COL4A4: variants seen among roughly 807,000 people sequenced by gnomAD.
The protein encoded by COL4A4 is collagen type IV alpha 4 chain.
COL4A4 carries 105 observed loss-of-function variants against 192.9 expected under a neutral mutation model. The observed-to-expected ratio is 0.54, with a 90% CI of 0.46 to 0.64. COL4A4 has a LOEUF of 0.64. Ranked by LOEUF, COL4A4 falls within the 30% of genes least tolerant of loss-of-function variation. COL4A4 has a pLI of 0.00. For synonymous variants in COL4A4, 762 were observed against 769.9 expected (o/e 0.99, Z 0.17); for missense variants, 1,967 against 2,169.3 (o/e 0.91, Z 1.85).
At chr2:227,034,768 CATGTGTTCTCATTGTTCAATTCCCACCT>C (rs1321395250) in intron 37 of COL4A4, among the ~76,000 whole-genome samples, 1 of 138,748 alleles carries the variant, frequency 7.2e-6, no homozygotes, top group Non-Finnish European at 1.5e-5. Flanking sequence ...TTCCTGTGTC[CATGTGTTCTCATTGTTCAATTCCCACCT>C]ATGAGTGAGA....
At chr2:227,125,894 T>C (rs570633498) in intron 4 of COL4A4, among the ~76,000 whole-genome samples, 1 of 152,264 alleles carries the variant, frequency 6.6e-6, no homozygotes, top group South Asian at 2.1e-4. Flanking sequence ...CCTCTGCTCC[T>C]GGAGGGGAAG....
At chr2:227,154,423 G>A (rs1363578079) in intron 1 of COL4A4, among the ~76,000 whole-genome samples, 1 of 152,184 alleles carries the variant, frequency 6.6e-6, no homozygotes, top group Non-Finnish European at 1.5e-5. Context: ...AAGATTGGGG[G>A]ACCAGATAAA....
At position 227,114,732 on chromosome 2, in the gene COL4A4, T is replaced by C. The variant is rs370812512; in HGVS notation, c.490-36A>G. ...AATATGTATGTACTTAACAGGAAAA[T>C]AGCATATTACCATTTCAGTATTTTC... On this transcript the variant is annotated intron_variant, in intron 7 of 47. Coordinates refer to ENST00000396625, the MANE Select transcript of COL4A4 (RefSeq NM_000092.5). 3.2e-4 allele frequency: 475 copies of C among 1,469,240 alleles called. 2 individuals are homozygous for C. The highest frequency in any genetic ancestry group is 1.2e-3 in the Middle Eastern group (7 of 5,800). 91.0% of individuals were successfully genotyped at this position (1,469,240 alleles called of 1,614,324 possible). A position where few individuals can be genotyped will look rare whatever the true frequency, so the allele number is the denominator to read the frequency against.
chr2:227,026,106 A>C (rs1382377867), intron 42 of COL4A4, among the ~76,000 whole-genome samples: 1 of 152,132 alleles, frequency 6.6e-6, no homozygotes, highest in Admixed American at 6.5e-5. Context: ...ATATCCTCTA[A>C]TTTAATGCAT....
Position 227,027,750 on chromosome 2 carries a change from G to T in COL4A4, c.4081+152C>A, listed in dbSNP as rs1967266319. 2.6e-5 allele frequency: 16 copies of T among 610,580 alleles called. No individual in the cohort carries two copies. The East Asian group carries it at 4.1e-4, about 16-fold the overall frequency. 37.8% of individuals were successfully genotyped at this position (610,580 alleles called of 1,614,324 possible). On this transcript the variant is annotated intron_variant, in intron 42 of 47. Coordinates refer to ENST00000396625, the MANE Select transcript of COL4A4 (RefSeq NM_000092.5). Reference sequence around the variant, plus strand: ...ATTACTTTACCAAACATGAGACTTTGTAGTGCGGCCTGAAAGAAATATACT... The same window carrying T: ...ATTACTTTACCAAACATGAGACTTTTTAGTGCGGCCTGAAAGAAATATACT...
At chr2:227,115,455 G>A (rs1250759488) in intron 7 of COL4A4, among the ~76,000 whole-genome samples, 1 of 151,662 alleles carries the variant, frequency 6.6e-6, no homozygotes, top group Non-Finnish European at 1.5e-5. Context: ...GTATTTTTTA[G>A]TAGAGACGGG....
At chr2:227,059,244 A>G (rs1431893314) in intron 28 of COL4A4, among the ~76,000 whole-genome samples, 161 bp downstream of exon 28, 1 of 152,254 alleles carries the variant, frequency 6.6e-6, no homozygotes, top group African/African-American at 2.4e-5. Context: ...CTAGAGATTC[A>G]GGTTATTTGA....
At chr2:227,013,617 T>C (rs1964277795) in intron 44 of COL4A4, among the ~76,000 whole-genome samples, 1 of 152,180 alleles carries the variant, frequency 6.6e-6, no homozygotes, top group South Asian at 2.1e-4. Flanking sequence ...ACCAGCCCTG[T>C]TGTGGCTCCT....
the COL4A4 span, among the ~76,000 whole-genome samples, chr2:226,993,203 T>C: frequency 6.6e-6 from 1 of 152,244 alleles, no homozygotes; most frequent in Non-Finnish European, 1.5e-5. Flanking sequence ...TGCGGGCTTT[T>C]TCTTTTGAAG....
intron 1 of COL4A4, among the ~76,000 whole-genome samples, chr2:227,148,977 T>G (rs2063738776): frequency 6.6e-6 from 1 of 151,854 alleles, no homozygotes; most frequent in African/African-American, 2.4e-5. Context: ...GAGTAGTTAG[T>G]GTGCCACCAC....
At position 227,033,490 on chromosome 2, in the gene COL4A4, C is replaced by T. The variant is rs2149993737; in HGVS notation, c.3506-9G>A. 2 of 1,611,840 alleles carry T rather than the reference C, an allele frequency of 1.2e-6. No homozygotes were observed. The highest frequency in any genetic ancestry group is 2.2e-5 in the East Asian group (1 of 44,882). ...AGGTGATCCGGAGGGACCTGAAAAA[C>T]ACCACAGGCCTGTGACCCAAAGGAA... is the stretch of plus-strand genomic sequence containing the variant. On this transcript the variant is annotated splice_polypyrimidine_tract_variant and intron_variant, in intron 37 of 47. Coordinates refer to ENST00000396625, the MANE Select transcript of COL4A4 (RefSeq NM_000092.5).
intron 31 of COL4A4, among the ~76,000 whole-genome samples, chr2:227,053,492 A>G (rs1974576978): frequency 6.7e-6 from 1 of 149,914 alleles, no homozygotes; most frequent in Admixed American, 6.6e-5. Flanking sequence ...TATTTAAACC[A>G]TTGGTCTCAA....
At chr2:226,991,405 C>G in the COL4A4 span, among the ~76,000 whole-genome samples, 1 of 152,206 alleles carries the variant, frequency 6.6e-6, no homozygotes, top group Non-Finnish European at 1.5e-5. Flanking sequence ...TGGTCTCAAT[C>G]TCCTGACCTC....
intron 20 of COL4A4, among the ~76,000 whole-genome samples, chr2:227,092,118 C>T (rs1334839042): frequency 1.3e-5 from 2 of 151,700 alleles, no homozygotes; most frequent in Non-Finnish European, 2.9e-5. Context: ...ATTTCAAAAC[C>T]AAAAAATAAA....
intron 12 of COL4A4, among the ~76,000 whole-genome samples, chr2:227,106,229 A>G (rs1353432669): frequency 6.6e-6 from 1 of 152,172 alleles, no homozygotes; most frequent in Non-Finnish European, 1.5e-5. Flanking sequence ...GCACATTAAC[A>G]AAACATGAGT....
intron 25 of COL4A4, among the ~76,000 whole-genome samples, chr2:227,064,533 G>T (rs2058175799): frequency 6.6e-6 from 1 of 152,202 alleles, no homozygotes; most frequent in Non-Finnish European, 1.5e-5. Flanking sequence ...GAAGCTTAAA[G>T]AACTCCTGGG....
At chr2:227,065,227 G>A (rs189074148) in intron 25 of COL4A4, among the ~76,000 whole-genome samples, 133 of 152,324 alleles carry the variant, frequency 8.7e-4, no homozygotes, top group African/African-American at 5.8e-4. Flanking sequence ...CACCTGGCTC[G>A]GAGGGTCCTA....
the COL4A4 span, among the ~76,000 whole-genome samples, chr2:226,970,592 C>T: frequency 6.6e-6 from 1 of 152,178 alleles, no homozygotes; most frequent in Non-Finnish European, 1.5e-5. Context: ...GCTCAGGCAG[C>T]AGGTGTGTAG....
At chr2:227,067,386 C>A (rs1012260110) in intron 25 of COL4A4, among the ~76,000 whole-genome samples, 2 of 152,196 alleles carry the variant, frequency 1.3e-5, no homozygotes, top group African/African-American at 4.8e-5. Flanking sequence ...ATCTACAGAA[C>A]TCTCCACCCC....
Sources: gnomAD v4.1 joint callset for allele counts (sites outside exome capture counted in the v4.1 genomes callset) on GRCh38, gnomAD v4.1.1 for gene constraint, MANE v1.5 for transcripts, NCBI Gene and HGNC (gene_info 2026-07-23, HGNC 2026-07-21) for gene names.